KCNH5: variants seen among roughly 807,000 people sequenced by gnomAD.
The protein encoded by KCNH5 is potassium voltage-gated channel subfamily H member 5, also known as voltage-gated delayed rectifier potassium channel KCNH5.
Under a neutral mutation model 96.1 loss-of-function variants are expected in KCNH5, and 46 were observed. The observed-to-expected ratio is 0.48, with a 90% CI of 0.38 to 0.61. The LOEUF (loss-of-function observed/expected upper bound fraction) is 0.61, where lower values mean the gene tolerates loss of function less well. Ranked by LOEUF, KCNH5 falls within the 20% of genes least tolerant of loss-of-function variation. The probability of loss-of-function intolerance (pLI) is 0.00; values close to 1 mark genes in which losing one functional copy is unlikely to be tolerated. For synonymous variants in KCNH5, 439 were observed against 449.8 expected, an observed-to-expected ratio of 0.98 and a Z score of 0.30; for missense variants, 907 against 1,225.8, an observed-to-expected ratio of 0.74 and a Z score of 3.88.
At position 62,950,452 on chromosome 14, in the gene KCNH5, C is replaced by T. The variant is rs749264176; in HGVS notation, c.1050G>A (p.Val350=). Reference sequence around the variant, plus strand: ...CCAGTCCAAACACACACACCAGGAGCACGAGGACTGCTGCTCCATATTCTA... The same window carrying T: ...CCAGTCCAAACACACACACCAGGAGTACGAGGACTGCTGCTCCATATTCTA... The part of the protein sequence containing the change: ...HYLEYGAAVL[V]LLVCVFGLVA... The change falls in exon 7 of 11, where the codon GTG becomes GTA. Residue 350 remains valine (V), a synonymous_variant. Coordinates refer to ENST00000322893, the MANE Select transcript of KCNH5 (RefSeq NM_139318.5). 6.2e-7 allele frequency: 1 copy of T among 1,613,818 alleles called. No individual in the cohort carries two copies. The highest frequency in any genetic ancestry group is 1.7e-5 in the Admixed American group (1 of 59,974).
intron 7 of KCNH5, among the ~76,000 whole-genome samples, chr14:62,902,163 G>A (rs1888939707): frequency 6.6e-6 from 1 of 152,010 alleles, no homozygotes; most frequent in Non-Finnish European, 1.5e-5. Context: ...TATGTAGGCT[G>A]CCACTTTACT....
chr14:62,751,623 A>G (rs867542946), intron 10 of KCNH5, among the ~76,000 whole-genome samples: 1 of 152,220 alleles, frequency 6.6e-6, no homozygotes, highest in African/African-American at 2.4e-5. Context: ...ATGGTGACTC[A>G]GACACCCAGA....
intron 6 of KCNH5, among the ~76,000 whole-genome samples, chr14:62,973,567 G>C (rs1890448811): frequency 6.6e-6 from 1 of 152,130 alleles, no homozygotes; most frequent in South Asian, 2.1e-4. Context: ...AGCCCCCACA[G>C]GACACCACAT....
chr14:62,781,175 T>C (rs535853896), intron 9 of KCNH5, among the ~76,000 whole-genome samples: 3 of 152,236 alleles, frequency 2.0e-5, no homozygotes, highest in Non-Finnish European at 4.4e-5. Context: ...GTAGGTTCCA[T>C]GATGCCCACA....
chr14:62,935,979 A>AGCAAT (rs551648352), intron 7 of KCNH5, among the ~76,000 whole-genome samples: 99 of 152,330 alleles, frequency 6.5e-4, no homozygotes, highest in Admixed American at 9.2e-4. Context: ...TATTTACGAC[A>AGCAAT]GCAATGCAGT....
intron 7 of KCNH5, among the ~76,000 whole-genome samples, chr14:62,925,113 A>T (rs1384850530): frequency 6.6e-6 from 1 of 151,986 alleles, no homozygotes; most frequent in Non-Finnish European, 1.5e-5. Context: ...CTGTGAAAAC[A>T]TAAAAATAAA....
At chr14:62,899,501 T>C (rs11852195) in intron 7 of KCNH5, among the ~76,000 whole-genome samples, 4 of 152,074 alleles carry the variant, frequency 2.6e-5, no homozygotes, top group Non-Finnish European at 5.9e-5. Flanking sequence ...TACACTTCTA[T>C]CAAAACATGA....
chr14:62,757,092 A>G (rs1885639937), intron 10 of KCNH5, among the ~76,000 whole-genome samples: 1 of 152,230 alleles, frequency 6.6e-6, no homozygotes, highest in African/African-American at 2.4e-5. Context: ...AAATAACCCC[A>G]TAGGAAAAAG....
At chr14:63,025,009 C>T (rs1436035884) in intron 1 of KCNH5, among the ~76,000 whole-genome samples, 1 of 152,010 alleles carries the variant, frequency 6.6e-6, no homozygotes, top group Admixed American at 6.6e-5. Context: ...AAACCAAATT[C>T]AACAACACAT....
intron 6 of KCNH5, among the ~76,000 whole-genome samples, chr14:62,972,541 T>C (rs1409692191): frequency 1.3e-5 from 2 of 152,234 alleles, no homozygotes; most frequent in Non-Finnish European, 2.9e-5. Flanking sequence ...TGTCCACATA[T>C]AAACCTGCAC....
intron 7 of KCNH5, among the ~76,000 whole-genome samples, chr14:62,879,564 T>A (rs1014218726): frequency 6.6e-6 from 1 of 152,136 alleles, no homozygotes; most frequent in African/African-American, 2.4e-5. Context: ...GTCACGTATC[T>A]TGTAATTTAG....
chr14:62,888,151 G>A (rs553358089), intron 7 of KCNH5, among the ~76,000 whole-genome samples: 59 of 152,260 alleles, frequency 3.9e-4, no homozygotes, highest in Admixed American at 6.5e-4. Context: ...TAGATTTGTT[G>A]TGCTTTGTCT....
chr14:62,726,786 A>C (rs1421965584), intron 10 of KCNH5, among the ~76,000 whole-genome samples: 1 of 152,190 alleles, frequency 6.6e-6, no homozygotes, highest in Non-Finnish European at 1.5e-5. Flanking sequence ...ACATGTAGAT[A>C]AAAAGGCATG....
intron 7 of KCNH5, among the ~76,000 whole-genome samples, chr14:62,887,100 T>C (rs1888613061): frequency 6.6e-6 from 1 of 152,204 alleles, no homozygotes; most frequent in Admixed American, 6.5e-5. Context: ...TAAACTCTTA[T>C]TATGCTACTT....
At position 62,980,982 on chromosome 14, in the gene KCNH5, T is replaced by C. The variant is rs1205740364; in HGVS notation, c.832A>G (p.Ile278Val). 1.2e-6 allele frequency: 2 copies of C among 1,613,968 alleles called. No homozygotes were observed. Among genetic ancestry groups the C allele is most frequent in the African/African-American group, 2.7e-5 (2 of 74,908 alleles). Residue 278 changes from isoleucine to valine, a missense_variant, in exon 6 of 11, where the codon ATT becomes GTT. By Grantham distance (29) the Ile-to-Val change is conservative (BLOSUM62 3). Transcript: ENST00000322893. ...ATCCTTATGAGCTTAGGGTCAGAAA[T>C]GACCTCTCCACCGGGCCCCACGAAA... Reference protein sequence around the residue: ...TTFVGPGGEVISDPKLIRMNY... With the variant: ...TTFVGPGGEVVSDPKLIRMNY...
At chr14:62,862,210 A>G (rs2140058045) in intron 7 of KCNH5, among the ~76,000 whole-genome samples, 1 of 152,340 alleles carries the variant, frequency 6.6e-6, no homozygotes, top group South Asian at 2.1e-4. Context: ...TTAGGATAAT[A>G]CTTAAAATAA....
intron 10 of KCNH5, 57 bp downstream of exon 10, chr14:62,779,671 G>T: frequency 7.1e-7 from 1 of 1,405,002 alleles, no homozygotes; most frequent in East Asian, 2.4e-5. Context: ...AGCTAATAGA[G>T]CTGAATTAAT....
Position 62,701,702 on chromosome 14 carries a change from T to G in KCNH5, c.*5806A>C, listed in dbSNP as rs1884350797. The G allele has an allele frequency of 6.6e-6, 1 of 152,132 alleles. No individual in the cohort carries two copies. Among genetic ancestry groups the G allele is most frequent in the Non-Finnish European group, 1.5e-5 (1 of 67,974 alleles). The allele number at this position is 152,132 out of a possible 1,614,324, so 9.4% of individuals were successfully genotyped here. On this transcript the variant is annotated 3_prime_UTR_variant, in exon 11 of 11. Transcript: ENST00000322893. ...ATGTAGTGTTGTAATATCTTGTTTT[T>G]TTCTCCTTATCTCAAGACACTTGCT...
intron 7 of KCNH5, among the ~76,000 whole-genome samples, chr14:62,853,494 A>ATGATATATATATATATATATATG (rs375695583): frequency 3.9e-5 from 4 of 102,072 alleles, no homozygotes; most frequent in African/African-American, 1.4e-4. Context: ...ATATATATAT[A>ATGATATATATATATATATATATG]ATCTTGGCCA....
Sources: gnomAD v4.1 joint callset for allele counts (sites outside exome capture counted in the v4.1 genomes callset) on GRCh38, gnomAD v4.1.1 for gene constraint, MANE v1.5 for transcripts, NCBI Gene and HGNC (gene_info 2026-07-23, HGNC 2026-07-21) for gene names.